BMPR1B: variants seen among roughly 807,000 people sequenced by gnomAD.
BMPR1B encodes the protein bone morphogenetic protein receptor type-1B.
BMPR1B carries 12 observed loss-of-function variants against 59.1 expected under a neutral mutation model. The ratio of observed to expected loss-of-function variants is 0.20; its 90% CI spans 0.13 to 0.33. The LOEUF is 0.33. Ranked by LOEUF, BMPR1B falls within the 10% of genes least tolerant of loss-of-function variation. The pLI is 1.00. For synonymous variants in BMPR1B, 237 were observed against 207.3 expected (o/e 1.14, Z -1.23); for missense variants, 550 against 610.9 (o/e 0.90, Z 1.05).
Position 94,775,447 on chromosome 4 carries a change from C to T in BMPR1B, c.-183+17379C>T, listed in dbSNP as rs28643271. ...TAAGTGCCTAATTTCAAAAACGAAGCTCTTTAGCAACAAAGTTGTTTCCTT... is the reference window on the plus strand; with the variant it reads ...TAAGTGCCTAATTTCAAAAACGAAGTTCTTTAGCAACAAAGTTGTTTCCTT... On this transcript the variant is annotated intron_variant, in intron 1 of 12. Coordinates refer to ENST00000515059, the MANE Select transcript of BMPR1B (RefSeq NM_001203.3). Among the ~76,000 whole-genome samples, 1,140 of 152,264 alleles carry T rather than the reference C, an allele frequency of 7.5e-3. 14 individuals carry two copies. The highest frequency in any genetic ancestry group is 0.026 in the African/African-American group (1,092 of 41,562).
intron 3 of BMPR1B, among the ~76,000 whole-genome samples, chr4:95,003,161 C>T (rs1437680072): frequency 2.0e-5 from 3 of 151,968 alleles, no homozygotes; most frequent in African/African-American, 7.2e-5. Flanking sequence ...TCTTTTGAAA[C>T]TTAGAAAGTC....
rs936904070 is a variant in BMPR1B, at chr4:94,945,054, T to C, written c.-112-50986T>C. ...ACTGTTAACAGATCTAGTAATGACA[T>C]AGGCCCCATGTATGGAACATTTCAT... is the stretch of plus-strand genomic sequence containing the variant. On this transcript the variant is annotated intron_variant, in intron 2 of 12. Transcript: ENST00000515059. Among the ~76,000 whole-genome samples, 3 of 152,140 alleles carry C rather than the reference T, an allele frequency of 2.0e-5. No homozygotes were observed. In the South Asian group the frequency reaches 6.2e-4, roughly 32 times the overall value.
intron 1 of BMPR1B, among the ~76,000 whole-genome samples, chr4:94,819,018 C>T (rs564159146): frequency 3.4e-4 from 51 of 152,192 alleles, no homozygotes; most frequent in African/African-American, 1.2e-3. Context: ...CACCTGTAGT[C>T]CCAGCTACTC....
At chr4:95,114,904 C>A in intron 5 of BMPR1B, 82 bp downstream of exon 5, 1 of 1,329,292 alleles carries the variant, frequency 7.5e-7, no homozygotes, top group Non-Finnish European at 1.1e-6. Context: ...CATTCTTTTT[C>A]TTGGCCAGCC....
chr4:94,959,457 T>C (rs1352459828), intron 2 of BMPR1B, among the ~76,000 whole-genome samples: 1 of 152,152 alleles, frequency 6.6e-6, no homozygotes, highest in Non-Finnish European at 1.5e-5. Context: ...CAGGATGGAC[T>C]CATTGGTAAT....
chr4:94,952,477 T>A (rs1729985009), intron 2 of BMPR1B, among the ~76,000 whole-genome samples: 1 of 152,190 alleles, frequency 6.6e-6, no homozygotes, highest in Non-Finnish European at 1.5e-5. Flanking sequence ...TCTCATTGGT[T>A]TCAAAGAACT....
intron 3 of BMPR1B, among the ~76,000 whole-genome samples, chr4:95,029,022 G>T (rs1427861027): frequency 6.6e-6 from 1 of 151,632 alleles, no homozygotes; most frequent in East Asian, 1.9e-4. Context: ...TCTTATCTGT[G>T]TCTCGCCACT....
At chr4:95,020,234 G>A (rs757168826) in intron 3 of BMPR1B, among the ~76,000 whole-genome samples, 1 of 152,122 alleles carries the variant, frequency 6.6e-6, no homozygotes, top group Non-Finnish European at 1.5e-5. Flanking sequence ...CTAATGAGTA[G>A]AAGTCAAGGA....
At chr4:95,145,445 T>C (rs374824497) in intron 10 of BMPR1B, among the ~76,000 whole-genome samples, 2 of 152,224 alleles carry the variant, frequency 1.3e-5, no homozygotes, top group Non-Finnish European at 2.9e-5. Flanking sequence ...TCTGCCTCCT[T>C]CTTTCTCCTG....
intron 3 of BMPR1B, among the ~76,000 whole-genome samples, chr4:95,003,454 C>T (rs1722594316): frequency 6.6e-6 from 1 of 152,074 alleles, no homozygotes; most frequent in Non-Finnish European, 1.5e-5. Flanking sequence ...AGCATTGGAA[C>T]ATGTTAGGGT....
At chr4:94,975,643 G>A (rs1007437695) in intron 2 of BMPR1B, among the ~76,000 whole-genome samples, 1 of 151,864 alleles carries the variant, frequency 6.6e-6, no homozygotes, top group African/African-American at 2.4e-5. Flanking sequence ...ACCTCCCAAA[G>A]TGCTAGGACT....
intron 2 of BMPR1B, among the ~76,000 whole-genome samples, chr4:94,991,881 G>T (rs952464195): frequency 6.6e-6 from 1 of 152,142 alleles, no homozygotes; most frequent in Non-Finnish European, 1.5e-5. Context: ...GACAAGGTTC[G>T]AACCAGGAAA....
intron 3 of BMPR1B, among the ~76,000 whole-genome samples, chr4:95,101,957 G>A (rs192965528): frequency 1.3e-5 from 2 of 151,994 alleles, no homozygotes; most frequent in Non-Finnish European, 2.9e-5. Flanking sequence ...TTATTATAGT[G>A]GGATTTAATA....
At chr4:95,008,403 A>T (rs1722999781) in intron 3 of BMPR1B, among the ~76,000 whole-genome samples, 1 of 152,112 alleles carries the variant, frequency 6.6e-6, no homozygotes, top group Admixed American at 6.6e-5. Context: ...CAAGCAATCT[A>T]ACACTTATTC....
intron 6 of BMPR1B, among the ~76,000 whole-genome samples, chr4:95,122,192 TG>T (rs1732578855): frequency 6.6e-6 from 1 of 151,878 alleles, no homozygotes; most frequent in South Asian, 2.1e-4. Context: ...CAAAAATAAG[TG>T]GGGCGTGGTG....
At chr4:94,771,296 T>C (rs1177957164) in intron 1 of BMPR1B, among the ~76,000 whole-genome samples, 1 of 152,200 alleles carries the variant, frequency 6.6e-6, no homozygotes, top group Non-Finnish European at 1.5e-5. Flanking sequence ...TGCTGGATTC[T>C]AATGTAGGAC....
At chr4:95,055,701 C>T (rs1438961463) in intron 3 of BMPR1B, among the ~76,000 whole-genome samples, 1 of 152,192 alleles carries the variant, frequency 6.6e-6, no homozygotes, top group Non-Finnish European at 1.5e-5. Flanking sequence ...ATAGTAATTT[C>T]ACGTAATTGC....
chr4:94,873,131 A>T (rs1252611814), intron 1 of BMPR1B, among the ~76,000 whole-genome samples: 4 of 152,018 alleles, frequency 2.6e-5, no homozygotes, highest in Non-Finnish European at 1.5e-5. Flanking sequence ...CAGGTGTCTG[A>T]CTACTTCCTC....
At chr4:94,843,090 A>G (rs1450246472) in intron 1 of BMPR1B, among the ~76,000 whole-genome samples, 1 of 152,170 alleles carries the variant, frequency 6.6e-6, no homozygotes, top group Non-Finnish European at 1.5e-5. Flanking sequence ...TAATACTTAT[A>G]TTAACTCTGA....
Sources: gnomAD v4.1 joint callset for allele counts (sites outside exome capture counted in the v4.1 genomes callset) on GRCh38, gnomAD v4.1.1 for gene constraint, MANE v1.5 for transcripts, NCBI Gene and HGNC (gene_info 2026-07-23, HGNC 2026-07-21) for gene names.